Variants in DSCAM observed in about 807,000 individuals in gnomAD.
DSCAM encodes the protein DS cell adhesion molecule, also known as cell adhesion molecule DSCAM.
Under a neutral mutation model 217.7 loss-of-function variants are expected in DSCAM, and 47 were observed. The ratio of observed to expected loss-of-function variants is 0.22; its 90% confidence interval spans 0.17 to 0.28. DSCAM has a LOEUF of 0.28. Among genes scored for constraint, DSCAM ranks in the 10% least tolerant of loss-of-function variants. The pLI, the probability that DSCAM is intolerant of heterozygous loss-of-function variation, is 1.00. For synonymous variants in DSCAM, 1,056 were observed against 1,015.3 expected, an observed-to-expected ratio of 1.04 and a Z score of -0.76; for missense variants, 2,080 against 2,618.3, an observed-to-expected ratio of 0.79 and a Z score of 4.49.
chr21:40,429,866 T>C (rs915782332), intron 3 of DSCAM, among the ~76,000 whole-genome samples: 1 of 152,188 alleles, frequency 6.6e-6, no homozygotes, highest in African/African-American at 2.4e-5. Flanking sequence ...GATGGTGAGA[T>C]GCAAAATATA....
intron 3 of DSCAM, among the ~76,000 whole-genome samples, chr21:40,385,945 C>T (rs1000103310): frequency 1.3e-5 from 2 of 152,242 alleles, no homozygotes. Flanking sequence ...GGGATTTTGC[C>T]TTCGTGCTTT....
intron 1 of DSCAM, among the ~76,000 whole-genome samples, chr21:40,783,683 A>T (rs2091567301): frequency 1.3e-5 from 2 of 152,252 alleles, no homozygotes; most frequent in African/African-American, 2.4e-5. Context: ...TGGAGTGGAC[A>T]GCACCAGTGT....
At chr21:40,826,502 T>C (rs762619456) in intron 1 of DSCAM, among the ~76,000 whole-genome samples, 6 of 152,232 alleles carry the variant, frequency 3.9e-5, no homozygotes, top group Admixed American at 6.5e-5. Flanking sequence ...AGGAAATCCC[T>C]TGGCTACTGG....
intron 3 of DSCAM, among the ~76,000 whole-genome samples, chr21:40,467,300 T>A (rs918696275): frequency 6.6e-6 from 1 of 152,198 alleles, no homozygotes; most frequent in Non-Finnish European, 1.5e-5. Context: ...AATGATTTAA[T>A]CCCCACAATC....
At chr21:40,741,733 T>C (rs977189763) in intron 1 of DSCAM, among the ~76,000 whole-genome samples, 17 of 152,196 alleles carry the variant, frequency 1.1e-4, no homozygotes, top group African/African-American at 2.4e-5. Flanking sequence ...ATGAAATAAA[T>C]CAGAATGTCT....
At chr21:40,759,997 TTATTTATTTATTTA>T (rs1262695026) in intron 1 of DSCAM, among the ~76,000 whole-genome samples, 38 of 126,356 alleles carry the variant, frequency 3.0e-4, no homozygotes, top group Non-Finnish European at 4.5e-4. Context: ...ATTTATTTAT[TTATTTATTTATTTA>T]TGAGACAGAG....
intron 3 of DSCAM, among the ~76,000 whole-genome samples, chr21:40,391,348 TAC>T (rs1057340179): frequency 2.0e-5 from 3 of 152,210 alleles, no homozygotes; most frequent in South Asian, 2.1e-4. Flanking sequence ...GGCTAAATTT[TAC>T]ACAGTCTACC....
chr21:40,248,178 G>A (rs557160258), intron 11 of DSCAM, among the ~76,000 whole-genome samples: 30 of 152,276 alleles, frequency 2.0e-4, no homozygotes, highest in African/African-American at 5.1e-4. Flanking sequence ...TGATAAGAAC[G>A]GCTGCTATGA....
chr21:40,405,208 T>A (rs927867336), intron 3 of DSCAM, among the ~76,000 whole-genome samples: 4 of 152,186 alleles, frequency 2.6e-5, no homozygotes, highest in African/African-American at 9.7e-5. Context: ...TGAGCAGAGG[T>A]AGACCCTGGG....
intron 1 of DSCAM, among the ~76,000 whole-genome samples, chr21:40,792,511 T>C (rs1381470063): frequency 6.6e-6 from 1 of 152,206 alleles, no homozygotes; most frequent in Non-Finnish European, 1.5e-5. Context: ...TTAAAGATCC[T>C]ATCTCCAAAT....
rs1194557912 is a variant in DSCAM at position 40,133,769 on chromosome 21, T to C, written c.3562+85A>G. On this transcript the variant is annotated intron_variant, in intron 19 of 32. Coordinates refer to ENST00000400454, the MANE Select transcript of DSCAM (RefSeq NM_001389.5). ...AAGGTTTGCACTGAGAATAGCCTGA[T>C]GAACTGCAGGGTAAAGGCAAGTGAG... 3.4e-6 allele frequency: 5 copies of C among 1,474,372 alleles called. No individual in the cohort carries two copies. The African/African-American group carries it at 4.3e-5, about 13-fold the overall frequency. 91.3% of individuals were successfully genotyped at this position (1,474,372 alleles called of 1,614,324 possible).
At chr21:40,448,869 C>T (rs995559613) in intron 3 of DSCAM, among the ~76,000 whole-genome samples, 2 of 152,178 alleles carry the variant, frequency 1.3e-5, no homozygotes, top group Non-Finnish European at 1.5e-5. Context: ...CAAACTGCCA[C>T]AAACTTAGTG....
intron 1 of DSCAM, among the ~76,000 whole-genome samples, chr21:40,838,930 C>T (rs565785968): frequency 6.6e-6 from 1 of 152,266 alleles, no homozygotes; most frequent in Admixed American, 6.5e-5. Context: ...ACCCAAAGCC[C>T]ACTTGGAACC....
At chr21:40,213,993 G>A (rs2091213663) in intron 11 of DSCAM, among the ~76,000 whole-genome samples, 2 of 152,206 alleles carry the variant, frequency 1.3e-5, no homozygotes, top group South Asian at 4.1e-4. Flanking sequence ...GGAATAAAGG[G>A]AGACAAACTC....
intron 1 of DSCAM, among the ~76,000 whole-genome samples, chr21:40,771,346 C>T (rs936199471): frequency 3.3e-5 from 5 of 152,156 alleles, no homozygotes; most frequent in Admixed American, 6.5e-5. Flanking sequence ...ATGATTGAAA[C>T]GGATGGAGGA....
intron 1 of DSCAM, among the ~76,000 whole-genome samples, chr21:40,717,083 G>A (rs563362177): frequency 1.3e-5 from 2 of 152,334 alleles, no homozygotes; most frequent in Middle Eastern, 6.8e-3. Flanking sequence ...AAGGTGCTGG[G>A]AAGCAGGAAA....
chr21:40,135,887 C>T (rs1039658812), intron 18 of DSCAM, among the ~76,000 whole-genome samples: 1 of 152,252 alleles, frequency 6.6e-6, no homozygotes, highest in East Asian at 1.9e-4. Flanking sequence ...CTGTCCCTCA[C>T]ATGCCAGAGA....
intron 32 of DSCAM, among the ~76,000 whole-genome samples, chr21:40,030,002 G>A (rs575711601): frequency 2.2e-4 from 33 of 152,322 alleles, no homozygotes; most frequent in South Asian, 8.3e-4. Flanking sequence ...GTGTGCTTGC[G>A]CACACACATG....
Position 40,518,528 on chromosome 21 carries a change from TTA to T in DSCAM, c.509-149285_509-149284del, listed in dbSNP as rs1555850077. Among the ~76,000 whole-genome samples, 58 of 39,056 alleles carry T rather than the reference TTA, an allele frequency of 1.5e-3. 3 individuals carry two copies. Among genetic ancestry groups the T allele is most frequent in the South Asian group, 8.4e-3 (9 of 1,068 alleles). The allele number at this position is 39,056 out of a possible 152,430, so 25.6% of individuals were successfully genotyped here. On this transcript the variant is annotated intron_variant, in intron 3 of 32. Transcript: ENST00000400454. ...ATATATAATATATATAATATATATT[TTA>T]TATATATATATGTACACACACATAT...
Sources: gnomAD v4.1 joint callset for allele counts (sites outside exome capture counted in the v4.1 genomes callset) on GRCh38, gnomAD v4.1.1 for gene constraint, MANE v1.5 for transcripts, NCBI Gene and HGNC (gene_info 2026-07-23, HGNC 2026-07-21) for gene names.